The following TTC4 variants were observed in gnomAD, a reference collection of about 807,000 sequenced individuals.
TTC4 encodes the protein tetratricopeptide repeat domain 4, also known as hsp70/Hsp90 co-chaperone CNS1 homolog.
A neutral mutation model predicts 51.9 loss-of-function variants in TTC4; 36 were observed. That is an observed-to-expected ratio of 0.69 (90% CI 0.53 to 0.92). The LOEUF is 0.92. Ranked by LOEUF, TTC4 falls within the 40% of genes least tolerant of loss-of-function variation. The probability of loss-of-function intolerance (pLI) is 0.00; values close to 1 mark genes in which losing one functional copy is unlikely to be tolerated. For missense variants in TTC4, 399 were observed against 454.6 expected, an observed-to-expected ratio of 0.88 and a Z score of 1.11; for synonymous variants, 144 against 164.2, an observed-to-expected ratio of 0.88 and a Z score of 0.94.
At chr1:54,741,145 T>A (rs972471863) in intron 9 of TTC4, among the ~76,000 whole-genome samples, 2 of 152,192 alleles carry the variant, frequency 1.3e-5, no homozygotes, top group African/African-American at 4.8e-5. Flanking sequence ...AATGAATGAA[T>A]AAAACCATGC....
chr1:54,719,373 C>A (rs111865829), intron 3 of TTC4, among the ~76,000 whole-genome samples: 1 of 131,060 alleles, frequency 7.6e-6, no homozygotes, highest in African/African-American at 3.1e-5. Flanking sequence ...ATTCAGTTTC[C>A]TTAAGCCTGA....
intron 5 of TTC4, among the ~76,000 whole-genome samples, chr1:54,728,040 C>T (rs1404157206): frequency 1.3e-5 from 2 of 152,180 alleles, no homozygotes; most frequent in South Asian, 2.1e-4. Context: ...TCGGATCACA[C>T]GACCAGAGTA....
rs755440606 is a variant in TTC4, at chr1:54,721,267, C to A, written c.469+27C>A. The A allele has an allele frequency of 8.7e-6, 14 of 1,607,338 alleles. No individual in the cohort carries two copies. In the Middle Eastern group the frequency reaches 5.0e-4, roughly 57 times the overall value. ...TAAGTCTTGTGGAACTACAGTATGA[C>A]ATTTAAAGCTTTGATATGAAGGTGC... On this transcript the variant is annotated intron_variant, in intron 4 of 9. Transcript: ENST00000371281.
At chr1:54,729,340 A>G (rs1221166158) in intron 6 of TTC4, among the ~76,000 whole-genome samples, 2 of 152,242 alleles carry the variant, frequency 1.3e-5, no homozygotes, top group Admixed American at 6.5e-5. Context: ...ATAAGGGGAC[A>G]CTACTGTACT....
At chr1:54,716,044 C>A in intron 1 of TTC4, 25 bp downstream of exon 1, 1 of 1,549,154 alleles carries the variant, frequency 6.5e-7, no homozygotes, top group South Asian at 1.2e-5. Context: ...GGTCTCCCCA[C>A]GTGTGTAGGG....
At chr1:54,733,368 G>A (rs887563676) in intron 7 of TTC4, among the ~76,000 whole-genome samples, 3 of 151,228 alleles carry the variant, frequency 2.0e-5, no homozygotes, top group Non-Finnish European at 4.4e-5. Context: ...ACAGTGAGCT[G>A]TTATCATGCC....
At chr1:54,723,831 G>A (rs1291961510) in intron 5 of TTC4, among the ~76,000 whole-genome samples, 3 of 152,124 alleles carry the variant, frequency 2.0e-5, no homozygotes, top group Non-Finnish European at 4.4e-5. Context: ...TATTATTACT[G>A]TTTTTAATCA....
At chr1:54,722,457 CTTACAGGAGTT>C (rs1464198164) in intron 4 of TTC4, among the ~76,000 whole-genome samples, 1 of 152,172 alleles carries the variant, frequency 6.6e-6, no homozygotes, top group East Asian at 1.9e-4. Flanking sequence ...ACCAGGGAGA[CTTACAGGAGTT>C]TTGAACTAAA....
Position 54,731,561 on chromosome 1 carries a change from C to A in TTC4, c.757C>A (p.Leu253Met), listed in dbSNP as rs1180940035. 1.2e-6 allele frequency: 2 copies of A among 1,614,008 alleles called. No individual in the cohort carries two copies. The highest frequency in any genetic ancestry group is 1.7e-6 in the Non-Finnish European group (2 of 1,179,984). Residue 253 changes from leucine to methionine, a missense_variant, in exon 7 of 10, where the codon CTG (leucine) becomes ATG (methionine). This residue lies in a region of TTC4 where 316 missense variants were observed against 349.6 expected (regional missense o/e 0.90). Transcript: ENST00000371281. ...CTCAGAAGGTCTAGGTGAGCTTTTC[C>A]TGGATGGACTCAGCACTGAGAACCC... The part of the protein sequence containing the change: ...SASEGLGELF[L>M]DGLSTENPHG...
chr1:54,735,031 C>T (rs1459548923), intron 8 of TTC4, among the ~76,000 whole-genome samples: 3 of 151,950 alleles, frequency 2.0e-5, no homozygotes, highest in African/African-American at 7.3e-5. Context: ...TAGTCTCCTT[C>T]AGTATGGAAG....
At chr1:54,731,110 T>C (rs1007991309) in intron 6 of TTC4, among the ~76,000 whole-genome samples, 1 of 152,226 alleles carries the variant, frequency 6.6e-6, no homozygotes, top group Non-Finnish European at 1.5e-5. Context: ...ACAAGATAGA[T>C]GCCCAATGAA....
At chr1:54,734,186 C>T (rs11485588) in intron 8 of TTC4, among the ~76,000 whole-genome samples, 2,403 of 152,146 alleles carry the variant, frequency 0.016, 71 homozygotes, top group African/African-American at 0.054. Flanking sequence ...ATTCTCCTGC[C>T]TCAGCCTCCT....
At chr1:54,717,716 AG>A (rs1431729927) in intron 3 of TTC4, 63 bp downstream of exon 3, 2 of 1,380,632 alleles carry the variant, frequency 1.4e-6, no homozygotes, top group Non-Finnish European at 1.9e-6. Flanking sequence ...TGGTTAGTGG[AG>A]GTTTGAGAAC....
rs112599798 is a variant in TTC4 at position 54,715,861 on chromosome 1, G to A, written c.-48G>A. 4.0e-5 allele frequency: 59 copies of A among 1,478,414 alleles called. No homozygotes were observed. The highest frequency in any genetic ancestry group is 2.9e-5 in the Non-Finnish European group (32 of 1,086,146). The allele number at this position is 1,478,414 out of a possible 1,614,324, so 91.6% of individuals were successfully genotyped here. A position where few individuals can be genotyped will look rare whatever the true frequency, so the allele number is the denominator to read the frequency against. ...GGAACCCGCGCCGCCGGAAGGAGCC[G>A]CTCGCTTCACGGCGCTGGGACCCGG... On this transcript the variant is annotated 5_prime_UTR_variant, in exon 1 of 10. Coordinates refer to ENST00000371281, the MANE Select transcript of TTC4 (RefSeq NM_004623.5).
At chr1:54,723,905 G>A (rs1234560977) in intron 5 of TTC4, among the ~76,000 whole-genome samples, 1 of 152,168 alleles carries the variant, frequency 6.6e-6, no homozygotes, top group East Asian at 1.9e-4. Flanking sequence ...GGTCATTCTG[G>A]TCATATGAAA....
At chr1:54,721,436 G>A (rs1025866670) in intron 4 of TTC4, among the ~76,000 whole-genome samples, 196 bp downstream of exon 4, 5 of 152,104 alleles carry the variant, frequency 3.3e-5, no homozygotes, top group African/African-American at 1.2e-4. Flanking sequence ...AGAACTAGAA[G>A]CCCCTCATTT....
In TTC4 at chr1:54,724,375, C is replaced by T. The variant is rs533835811; in HGVS notation, c.594+1576C>T. On this transcript the variant is annotated intron_variant, in intron 5 of 9. Coordinates refer to ENST00000371281, the MANE Select transcript of TTC4 (RefSeq NM_004623.5). The stretch of plus-strand genomic sequence containing the variant: ...TGACCTCCTGGGATCAACTGATCCT[C>T]CTGCCTCAATCTCCTGAGTAGCTGG... Among the ~76,000 whole-genome samples the T allele has an allele frequency of 8.3e-4, 126 of 151,944 alleles. 1 individual carries two copies. The highest frequency in any genetic ancestry group is 2.9e-3 in the African/African-American group (121 of 41,410).
Position 54,721,255 on chromosome 1 carries a change from A to T in TTC4, c.469+15A>T. 1 of 1,611,626 alleles carries T rather than the reference A, an allele frequency of 6.2e-7. No individual in the cohort carries two copies. The highest frequency in any genetic ancestry group is 1.1e-5 in the South Asian group (1 of 90,986). The stretch of plus-strand genomic sequence containing the variant: ...AATAATAAGAGGTAAGTCTTGTGGA[A>T]CTACAGTATGACATTTAAAGCTTTG... On this transcript the variant is annotated intron_variant, in intron 4 of 9. Coordinates refer to ENST00000371281, the MANE Select transcript of TTC4 (RefSeq NM_004623.5).
intron 7 of TTC4, among the ~76,000 whole-genome samples, chr1:54,732,346 ATATATG>A (rs1645877197): frequency 6.7e-6 from 1 of 149,160 alleles, no homozygotes; most frequent in South Asian, 2.1e-4. Context: ...TAAAAAAGAG[ATATATG>A]TATGTCTTTG....
Sources: gnomAD v4.1 joint callset for allele counts (sites outside exome capture counted in the v4.1 genomes callset) on GRCh38, gnomAD v4.1.1 for gene constraint, gnomAD v4.1.1 regional missense constraint, MANE v1.5 for transcripts, NCBI Gene and HGNC (gene_info 2026-07-23, HGNC 2026-07-21) for gene names.